Variants in ACCSL observed in about 807,000 individuals in gnomAD.
ACCSL encodes probable inactive 1-aminocyclopropane-1-carboxylate synthase-like protein 2.
ACCSL carries 55 observed loss-of-function variants against 61.7 expected under a neutral mutation model. That is an observed-to-expected ratio of 0.89 (90% CI 0.72 to 1.12). The LOEUF is 1.12. ACCSL is among the 50% of genes most tolerant of loss of function. The pLI, the probability that ACCSL is intolerant of heterozygous loss-of-function variation, is 0.00. For synonymous variants in ACCSL, 258 were observed against 264.3 expected, an observed-to-expected ratio of 0.98 and a Z score of 0.23; for missense variants, 632 against 698.0, an observed-to-expected ratio of 0.91 and a Z score of 1.07.
the ACCSL span, among the ~76,000 whole-genome samples, chr11:43,993,113 A>T: frequency 1.3e-5 from 2 of 152,154 alleles, no homozygotes; most frequent in African/African-American, 4.8e-5. Context: ...TGCAGGGCAG[A>T]CCCGCAGACC....
At chr11:43,963,400 C>T in the ACCSL span, among the ~76,000 whole-genome samples, 1 of 152,194 alleles carries the variant, frequency 6.6e-6, no homozygotes, top group Non-Finnish European at 1.5e-5. Context: ...ATTTGTCACT[C>T]TGGATCCAGG....
chr11:43,978,157 C>G, the ACCSL span, among the ~76,000 whole-genome samples: 1 of 151,886 alleles, frequency 6.6e-6, no homozygotes, highest in East Asian at 1.9e-4. Context: ...TTACAGTCAT[C>G]TGCCACCACG....
the ACCSL span, among the ~76,000 whole-genome samples, chr11:43,978,783 GTTTTTTTTTTTT>G: frequency 1.4e-4 from 11 of 79,114 alleles, no homozygotes; most frequent in Non-Finnish European, 2.1e-4. Context: ...GAGAAGGTGG[GTTTTTTTTTTTT>G]TTTTTTTTTT....
chr11:43,964,754 T>C, the ACCSL span, among the ~76,000 whole-genome samples: 15 of 152,146 alleles, frequency 9.9e-5, no homozygotes, highest in African/African-American at 2.4e-4. Context: ...CCATGACTGA[T>C]GGGATTTATT....
intron 6 of ACCSL, 64 bp from the exon 7 acceptor site, chr11:44,052,927 A>C: frequency 6.5e-7 from 1 of 1,544,992 alleles, no homozygotes. Context: ...TGCGGGGCTT[A>C]TGGGAATGAG....
chr11:43,952,234 C>T, the ACCSL span, among the ~76,000 whole-genome samples: 1 of 152,120 alleles, frequency 6.6e-6, no homozygotes, highest in Admixed American at 6.5e-5. Context: ...CACCCTCCAC[C>T]TTCAAGTAGG....
At chr11:43,955,142 G>C in the ACCSL span, among the ~76,000 whole-genome samples, 1 of 152,106 alleles carries the variant, frequency 6.6e-6, no homozygotes, top group Non-Finnish European at 1.5e-5. Flanking sequence ...AGCGAGTCAG[G>C]TGACTACAGT....
chr11:43,921,245 A>G, the ACCSL span: 2 of 152,212 alleles, frequency 1.3e-5, no homozygotes, highest in Non-Finnish European at 2.9e-5. Flanking sequence ...GATCATAGGA[A>G]AATGCCAAAG....
At chr11:43,932,485 T>G in the ACCSL span, among the ~76,000 whole-genome samples, 1 of 152,164 alleles carries the variant, frequency 6.6e-6, no homozygotes, top group Non-Finnish European at 1.5e-5. Flanking sequence ...CCCAGGCAGG[T>G]CTCGAACTCC....
chr11:44,047,589 C>T (rs957510294), upstream of ACCSL, among the ~76,000 whole-genome samples: 2 of 152,168 alleles, frequency 1.3e-5, no homozygotes, highest in Non-Finnish European at 2.9e-5. Context: ...CCAGATTTGG[C>T]CCTCAGGCAT....
At chr11:44,054,636 T>C (rs1264383297) in intron 8 of ACCSL, among the ~76,000 whole-genome samples, 2 of 152,064 alleles carry the variant, frequency 1.3e-5, no homozygotes, top group Non-Finnish European at 2.9e-5. Context: ...TTTGTATTTT[T>C]AGTAGAGACA....
chr11:44,049,787 A>T (rs1952624345), intron 1 of ACCSL, among the ~76,000 whole-genome samples: 1 of 152,254 alleles, frequency 6.6e-6, no homozygotes. Flanking sequence ...AGGAATTAAG[A>T]CAACTCACAA....
At chr11:44,030,588 C>A in the ACCSL span, among the ~76,000 whole-genome samples, 2 of 152,008 alleles carry the variant, frequency 1.3e-5, no homozygotes, top group Non-Finnish European at 2.9e-5. Flanking sequence ...TGGCTTGGAG[C>A]CTTCAATTTT....
chr11:43,959,433 C>A, the ACCSL span, among the ~76,000 whole-genome samples: 1 of 152,234 alleles, frequency 6.6e-6, no homozygotes, highest in Admixed American at 6.5e-5. Context: ...CCTTCCAAAC[C>A]AGTGCATTCC....
the ACCSL span, among the ~76,000 whole-genome samples, chr11:44,003,075 A>G: frequency 6.6e-6 from 1 of 152,254 alleles, no homozygotes; most frequent in Non-Finnish European, 1.5e-5. Context: ...ATATTTCATA[A>G]TGAACATTTA....
the ACCSL span, among the ~76,000 whole-genome samples, chr11:44,033,216 G>T: frequency 2.6e-5 from 4 of 152,216 alleles, no homozygotes; most frequent in African/African-American, 9.6e-5. Flanking sequence ...CTTCACAGAG[G>T]AGAAACTGAA....
At chr11:44,059,346 C>T (rs1440672748) in intron 13 of ACCSL, among the ~76,000 whole-genome samples, 6 of 152,212 alleles carry the variant, frequency 3.9e-5, no homozygotes, top group African/African-American at 1.4e-4. Context: ...ATGGAAGTCC[C>T]TGTATGCCAT....
chr11:43,939,640 C>T, the ACCSL span, among the ~76,000 whole-genome samples: 3 of 151,696 alleles, frequency 2.0e-5, no homozygotes, highest in Non-Finnish European at 2.9e-5. Context: ...GACAGGGTTT[C>T]ACTCTGTCAC....
At chr11:43,981,819 A>G in the ACCSL span, among the ~76,000 whole-genome samples, 1 of 152,274 alleles carries the variant, frequency 6.6e-6, no homozygotes, top group South Asian at 2.1e-4. Flanking sequence ...GTTTCCAGGG[A>G]GATGAGCTGG....
Sources: gnomAD v4.1 joint callset for allele counts (sites outside exome capture counted in the v4.1 genomes callset) on GRCh38, gnomAD v4.1.1 for gene constraint, MANE v1.5 for transcripts, NCBI Gene and HGNC (gene_info 2026-07-23, HGNC 2026-07-21) for gene names.